The following PTGER3 variants were observed in gnomAD, a reference collection of about 807,000 sequenced individuals.
PTGER3 encodes prostaglandin E2 receptor EP3 subtype.
In PTGER3, 22 loss-of-function variants were observed where a neutral mutation model predicts 34.7. That is an observed-to-expected ratio of 0.63 (90% CI 0.45 to 0.91). The LOEUF (loss-of-function observed/expected upper bound fraction) is 0.91. Among genes scored for constraint, PTGER3 ranks in the 40% least tolerant of loss-of-function variants. The probability of loss-of-function intolerance (pLI) is 0.00; values close to 1 mark genes in which losing one functional copy is unlikely to be tolerated. For missense variants in PTGER3, 468 were observed against 519.4 expected, an observed-to-expected ratio of 0.90 and a Z score of 0.96; for synonymous variants, 241 against 230.1, an observed-to-expected ratio of 1.05 and a Z score of -0.43.
chr1:70,966,511 C>A (rs1652532413), downstream of PTGER3, among the ~76,000 whole-genome samples: 1 of 152,010 alleles, frequency 6.6e-6, no homozygotes, highest in Non-Finnish European at 1.5e-5. Flanking sequence ...AGGATGCATG[C>A]ACAAAACGTG....
intron 4 of PTGER3, among the ~76,000 whole-genome samples, chr1:70,895,917 G>A (rs1405439830): frequency 1.3e-5 from 2 of 152,214 alleles, no homozygotes; most frequent in African/African-American, 2.4e-5. Context: ...CCTAGTGGTT[G>A]GTGGCAATGT....
At chr1:70,857,179 T>C (rs1000497981) in intron 4 of PTGER3, among the ~76,000 whole-genome samples, 29 of 152,244 alleles carry the variant, frequency 1.9e-4, no homozygotes, top group African/African-American at 7.0e-4. Context: ...TTAAGATTCC[T>C]TCTCTAAGGG....
chr1:70,981,231 ATTG>A (rs944590137), intron 2 of PTGER3, among the ~76,000 whole-genome samples: 2 of 150,848 alleles, frequency 1.3e-5, no homozygotes, highest in African/African-American at 4.9e-5. Flanking sequence ...AAGCCATACT[ATTG>A]TTTCTTTTTC....
At chr1:70,888,832 A>G (rs1051568009) in intron 4 of PTGER3, among the ~76,000 whole-genome samples, 9 of 152,140 alleles carry the variant, frequency 5.9e-5, no homozygotes, top group African/African-American at 2.2e-4. Context: ...TGTGCAAATT[A>G]GAAAAAGATG....
chr1:71,039,773 A>G (rs1039850301), intron 1 of PTGER3, among the ~76,000 whole-genome samples: 6 of 152,080 alleles, frequency 3.9e-5, no homozygotes, highest in Non-Finnish European at 7.4e-5. Context: ...AACTATAACT[A>G]ATCAAGCTGT....
chr1:70,867,060 G>A (rs950496055), intron 4 of PTGER3, among the ~76,000 whole-genome samples: 10 of 152,154 alleles, frequency 6.6e-5, no homozygotes, highest in African/African-American at 2.2e-4. Flanking sequence ...ACCAGTCCTG[G>A]TTTACCACCA....
At chr1:70,874,179 C>T (rs1646224509) in intron 4 of PTGER3, among the ~76,000 whole-genome samples, 1 of 152,172 alleles carries the variant, frequency 6.6e-6, no homozygotes, top group African/African-American at 2.4e-5. Flanking sequence ...GCAGGTCAGA[C>T]CAAGGAAGTG....
At chr1:70,887,755 A>G (rs1292754490) in intron 4 of PTGER3, among the ~76,000 whole-genome samples, 1 of 152,168 alleles carries the variant, frequency 6.6e-6, no homozygotes, top group Non-Finnish European at 1.5e-5. Flanking sequence ...TGGCTGATTT[A>G]TATTAGCTAT....
chr1:71,027,393 C>T (rs1043506891), intron 1 of PTGER3, among the ~76,000 whole-genome samples: 1 of 152,090 alleles, frequency 6.6e-6, no homozygotes, highest in African/African-American at 2.4e-5. Context: ...GAACTCCTAG[C>T]CTCAAGTGAT....
intron 2 of PTGER3, among the ~76,000 whole-genome samples, chr1:70,992,058 G>A (rs1655530057): frequency 1.3e-5 from 2 of 152,166 alleles, no homozygotes; most frequent in Non-Finnish European, 2.9e-5. Context: ...TAATCCCAGA[G>A]GAAAGTACTA....
chr1:70,952,740 A>T, exon 4 of PTGER3: 1 of 1,283,900 alleles, frequency 7.8e-7, no homozygotes, highest in Non-Finnish European at 9.9e-7. Context: ...TTTGCTAAAA[A>T]TATGCCCATG....
chr1:70,910,889 T>C (rs1459895915), intron 4 of PTGER3, among the ~76,000 whole-genome samples: 1 of 152,068 alleles, frequency 6.6e-6, no homozygotes, highest in African/African-American at 2.4e-5. Flanking sequence ...GAGACCAGCC[T>C]GACCAACATG....
chr1:70,896,119 C>A (rs531275453), intron 4 of PTGER3, among the ~76,000 whole-genome samples: 1 of 152,256 alleles, frequency 6.6e-6, no homozygotes, highest in South Asian at 2.1e-4. Flanking sequence ...CATGTATTTT[C>A]TCTTTTTTTC....
Position 71,047,651 on chromosome 1 carries a change from G to A in PTGER3, c.-74C>T, listed in dbSNP as rs543280109. ...AGGGGGCAGACGCGGCGCGGGCGGC[G>A]GCGGAGGTCGGCGTTTACCGCGGCT... On this transcript the variant is annotated 5_prime_UTR_variant, in exon 1 of 4. Coordinates refer to ENST00000306666, the MANE Select transcript of PTGER3 (RefSeq NM_198719.2). 8 of 1,436,396 alleles carry A rather than the reference G, an allele frequency of 5.6e-6. No homozygotes were observed. The East Asian group carries it at 1.5e-4, about 27-fold the overall frequency. 89.0% of individuals were successfully genotyped at this position (1,436,396 alleles called of 1,614,324 possible). A position where few individuals can be genotyped will look rare whatever the true frequency, so the allele number is the denominator to read the frequency against.
downstream of PTGER3, among the ~76,000 whole-genome samples, chr1:70,951,648 G>T (rs1392824803): frequency 6.6e-6 from 1 of 152,098 alleles, no homozygotes; most frequent in Non-Finnish European, 1.5e-5. Context: ...GGTACCTAAA[G>T]ATGCACTTAA....
rs772414041 is a variant in PTGER3, at chr1:71,046,999, C to T, written c.579G>A (p.Val193=). The part of the protein sequence containing the change: ...LAVLAFALLP[V]LGVGQYTVQW... ...GGACGGTGTACTGGCCCACGCCCAG[C>T]ACCGGCAGCAGGGCGAAGGCGAGCA... is the stretch of plus-strand genomic sequence containing the variant. The change falls in exon 1 of 4, where the codon GTG becomes GTA. Residue 193 remains valine (V), a synonymous_variant. Coordinates refer to ENST00000306666, the MANE Select transcript of PTGER3 (RefSeq NM_198719.2). 1.9e-6 allele frequency: 3 copies of T among 1,611,448 alleles called. No homozygotes were observed. The highest frequency in any genetic ancestry group is 2.5e-6 in the Non-Finnish European group (3 of 1,179,144).
At chr1:71,003,591 C>T (rs1656677891) in intron 2 of PTGER3, among the ~76,000 whole-genome samples, 1 of 152,088 alleles carries the variant, frequency 6.6e-6, no homozygotes, top group South Asian at 2.1e-4. Context: ...TATATTGCTC[C>T]TCTCAGATCA....
chr1:70,886,194 G>A (rs1572550772), intron 4 of PTGER3: 2 of 371,492 alleles, frequency 5.4e-6, no homozygotes, highest in East Asian at 8.4e-5. Flanking sequence ...ACAAGAGAGA[G>A]CTTGCTTCCC....
At chr1:70,927,732 G>A (rs1473327335) in intron 4 of PTGER3, among the ~76,000 whole-genome samples, 1 of 152,142 alleles carries the variant, frequency 6.6e-6, no homozygotes. Flanking sequence ...TTACCATAAA[G>A]GAGACTCTGG....
Sources: gnomAD v4.1 joint callset for allele counts (sites outside exome capture counted in the v4.1 genomes callset) on GRCh38, gnomAD v4.1.1 for gene constraint, MANE v1.5 for transcripts, NCBI Gene and HGNC (gene_info 2026-07-23, HGNC 2026-07-21) for gene names.